TRIM37: variants seen among roughly 807,000 people sequenced by gnomAD.
TRIM37 encodes E3 ubiquitin-protein ligase TRIM37.
In TRIM37, 80 loss-of-function variants were observed where a neutral mutation model predicts 129.8. That is an observed-to-expected ratio of 0.62 (90% CI 0.51 to 0.74). TRIM37 has a LOEUF of 0.74. Ranked by LOEUF, TRIM37 falls within the 30% of genes least tolerant of loss-of-function variation. TRIM37 has a pLI of 0.00. For synonymous variants in TRIM37, 389 were observed against 387.1 expected (o/e 1.00, Z -0.06); for missense variants, 1,054 against 1,176.5 (o/e 0.90, Z 1.52).
intron 24 of TRIM37, among the ~76,000 whole-genome samples, chr17:58,988,688 A>G (rs1362426915): frequency 6.6e-6 from 1 of 152,108 alleles, no homozygotes; most frequent in African/African-American, 2.4e-5. Context: ...CAACGGAAGC[A>G]GAGAGAGAGA....
chr17:59,040,479 C>T (rs1415241096), intron 17 of TRIM37, among the ~76,000 whole-genome samples: 1 of 152,012 alleles, frequency 6.6e-6, no homozygotes, highest in Non-Finnish European at 1.5e-5. Context: ...GTCACGGTGG[C>T]TACTGCTGAC....
chr17:59,099,396 CT>C (rs996645720), intron 2 of TRIM37, among the ~76,000 whole-genome samples: 1 of 147,190 alleles, frequency 6.8e-6, no homozygotes, highest in Non-Finnish European at 1.5e-5. Context: ...TTTCTTTTTT[CT>C]TTTTTTTTAA....
chr17:58,981,057 C>A (rs1319224630), downstream of TRIM37: 3 of 1,476,922 alleles, frequency 2.0e-6, no homozygotes, highest in Non-Finnish European at 1.8e-6. Flanking sequence ...GGTTAGCTAG[C>A]TCTCCCCCAA....
downstream of TRIM37, among the ~76,000 whole-genome samples, chr17:58,978,059 A>AT (rs2031128141): frequency 1.3e-5 from 2 of 152,202 alleles, no homozygotes; most frequent in South Asian, 4.1e-4. Flanking sequence ...AAGAGAACCT[A>AT]TAACAGATAC....
chr17:59,066,655 C>A (rs2041941656), intron 9 of TRIM37, among the ~76,000 whole-genome samples: 1 of 152,244 alleles, frequency 6.6e-6, no homozygotes, highest in East Asian at 1.9e-4. Flanking sequence ...ACATTCAGAG[C>A]ACAGAAAACA....
rs866718168 is a variant in TRIM37 at position 59,049,255 on chromosome 17, C to T, written c.1453G>A (p.Gly485Ser). 5.6e-6 allele frequency: 9 copies of T among 1,613,938 alleles called. No homozygotes were observed. The highest frequency in any genetic ancestry group is 3.3e-4 in the Middle Eastern group (2 of 6,084). ...SACSDMLLEGGPTTASVREAK... is the reference protein window; with the variant it reads ...SACSDMLLEGSPTTASVREAK... ...TCTCTTACAGAAGCTGTAGTAGGACCACCTTCGAGAAGCATGTCAGAGCAT... is the reference window on the plus strand; with the variant it reads ...TCTCTTACAGAAGCTGTAGTAGGACTACCTTCGAGAAGCATGTCAGAGCAT... Residue 485 changes from glycine to serine, a missense_variant, in exon 15 of 24, where the codon GGT becomes AGT. Gly to Ser is a moderately conservative substitution (Grantham distance 56, BLOSUM62 0). Transcript: ENST00000262294.
At chr17:59,088,242 TA>T in intron 4 of TRIM37, 48 bp downstream of exon 4, 1 of 1,280,624 alleles carries the variant, frequency 7.8e-7, no homozygotes, top group Non-Finnish European at 1.1e-6. Flanking sequence ...CATTAAACAA[TA>T]CAAAGGCAAA....
chr17:59,028,342 T>G (rs1319709300), intron 19 of TRIM37, 73 bp downstream of exon 19: 1 of 1,416,116 alleles, frequency 7.1e-7, no homozygotes, highest in Non-Finnish European at 9.8e-7. Context: ...TAAATATTAT[T>G]CTTTTGAAAA....
chr17:59,084,778 G>A (rs2043606499), intron 4 of TRIM37, among the ~76,000 whole-genome samples: 1 of 152,084 alleles, frequency 6.6e-6, no homozygotes, highest in Admixed American at 6.6e-5. Context: ...CTATAAAGAG[G>A]AGGAGACACC....
At chr17:59,017,573 G>A in intron 19 of TRIM37, 149 bp from the exon 20 acceptor site, 1 of 1,101,598 alleles carries the variant, frequency 9.1e-7, no homozygotes, top group East Asian at 2.6e-5. Context: ...GCCCCAATTG[G>A]TTTAGACTTT....
chr17:58,985,912 G>C (rs2031763509), intron 24 of TRIM37, among the ~76,000 whole-genome samples: 1 of 152,016 alleles, frequency 6.6e-6, no homozygotes, highest in Non-Finnish European at 1.5e-5. Flanking sequence ...TATTTGAAGG[G>C]GTTTACTGAA....
At chr17:59,061,006 GGTT>G in intron 12 of TRIM37, 23 bp downstream of exon 12, 4 of 1,581,298 alleles carry the variant, frequency 2.5e-6, no homozygotes, top group Non-Finnish European at 3.5e-6. Context: ...TGCACATTAA[GGTT>G]GTTATTTAAT....
chr17:59,058,219 T>C (rs2146401543), intron 12 of TRIM37, among the ~76,000 whole-genome samples: 1 of 152,360 alleles, frequency 6.6e-6, no homozygotes, highest in South Asian at 2.1e-4. Flanking sequence ...GAGATTATGT[T>C]TTTTGTGCAA....
chr17:59,050,828 A>T (rs2040267662), intron 14 of TRIM37, among the ~76,000 whole-genome samples: 1 of 152,110 alleles, frequency 6.6e-6, no homozygotes, highest in Non-Finnish European at 1.5e-5. Flanking sequence ...AAATACAAAA[A>T]AATTAGCCCG....
intron 10 of TRIM37, among the ~76,000 whole-genome samples, chr17:59,062,949 TA>T (rs573579860): frequency 4.3e-4 from 66 of 152,270 alleles, no homozygotes; most frequent in Middle Eastern, 3.4e-3. Context: ...CAAAATTAAT[TA>T]ATGCTTCAAC....
rs550393900 is a variant in TRIM37, at chr17:59,088,932, T to G, written c.165-525A>C. On this transcript the variant is annotated intron_variant, in intron 3 of 23. Transcript: ENST00000262294. The stretch of plus-strand genomic sequence containing the variant: ...AAACAAAAAGCTAAACAAAAACATA[T>G]GATTCAGAATATGGACTGAATTCTC... 2.6e-5 allele frequency among the ~76,000 whole-genome samples: 4 copies of G among 152,300 alleles called. No homozygotes were observed. The South Asian group carries it at 8.3e-4, about 32-fold the overall frequency.
At chr17:59,103,188 T>C (rs970270116) in intron 2 of TRIM37, among the ~76,000 whole-genome samples, 1 of 152,054 alleles carries the variant, frequency 6.6e-6, no homozygotes, top group Non-Finnish European at 1.5e-5. Flanking sequence ...AAACAGAAAG[T>C]TTGAGGTGAA....
chr17:59,072,831 T>C (rs984507213), intron 8 of TRIM37, among the ~76,000 whole-genome samples: 6 of 152,124 alleles, frequency 3.9e-5, no homozygotes, highest in Non-Finnish European at 4.4e-5. Flanking sequence ...ATATCATGTT[T>C]GAGCTACTGC....
intron 22 of TRIM37, among the ~76,000 whole-genome samples, chr17:59,007,203 ACACT>A (rs2034622066): frequency 1.0e-4 from 7 of 69,154 alleles, no homozygotes; most frequent in African/African-American, 3.7e-4. Context: ...ACACACACAC[ACACT>A]AAAACCACCC....
Sources: allele counts gnomAD v4.1 joint callset (sites outside exome capture counted in the v4.1 genomes callset), GRCh38; gene constraint gnomAD v4.1.1; transcripts MANE v1.5; gene names NCBI Gene and HGNC (gene_info 2026-07-23, HGNC 2026-07-21).